The following ASB14 variants were observed in gnomAD, a reference collection of about 807,000 sequenced individuals.
ASB14 encodes ankyrin repeat and SOCS box protein 14.
In ASB14, 63 loss-of-function variants were observed where a neutral mutation model predicts 55.6. The observed-to-expected ratio is 1.13, with a 90% confidence interval of 0.92 to 1.40. ASB14 has a LOEUF of 1.40. ASB14 is among the 40% of genes most tolerant of loss of function. ASB14 has a pLI of 0.00. For synonymous variants in ASB14, 256 were observed against 259.9 expected (o/e 0.98, Z 0.15); for missense variants, 724 against 710.4 (o/e 1.02, Z -0.22).
chr3:57,276,286 A>T (rs915969424), intron 10 of ASB14, among the ~76,000 whole-genome samples: 18 of 149,956 alleles, frequency 1.2e-4, no homozygotes, highest in Admixed American at 2.0e-4. Flanking sequence ...ACTTTAAAAA[A>T]TTTTTTTTTT....
At chr3:57,275,422 A>G (rs1215690684) in intron 10 of ASB14, among the ~76,000 whole-genome samples, 1 of 149,972 alleles carries the variant, frequency 6.7e-6, no homozygotes, top group East Asian at 1.9e-4. Context: ...ACCGCAGTCC[A>G]GTCTGGGTGA....
intron 10 of ASB14, chr3:57,273,221 ATTC>A (rs1419353622): frequency 3.9e-5 from 6 of 152,756 alleles, no homozygotes; most frequent in African/African-American, 7.2e-5. Context: ...AAGTGAATTG[ATTC>A]TTATTTCACT....
chr3:57,290,710 T>C (rs1304925097), intron 2 of ASB14, among the ~76,000 whole-genome samples: 2 of 152,230 alleles, frequency 1.3e-5, no homozygotes, highest in African/African-American at 2.4e-5. Context: ...CTCTGAAACA[T>C]TTCAATACTC....
rs553625863 is a variant in ASB14 at position 57,288,058 on chromosome 3, A to G, written c.312T>C (p.Ala104=). 2 of 1,537,200 alleles carry G rather than the reference A, an allele frequency of 1.3e-6. No homozygotes were observed. The highest frequency in any genetic ancestry group is 2.4e-5 in the East Asian group (1 of 40,926). The change falls in exon 5 of 11, where the codon GCT becomes GCC. Residue 104 remains alanine, a splice_region_variant and synonymous_variant. Transcript: ENST00000487349. ...TTTGCTCCCACAGACTGGGGTCTGA[A>G]GCTGAAATAAATTCATCATACCACA... The part of the protein sequence containing the change: ...NRKILEITLS[A]SDPSLWEQTT...
At position 57,277,916 on chromosome 3, in the gene ASB14, C is replaced by T. The variant is rs1359461314; in HGVS notation, c.1436G>A (p.Cys479Tyr). The change falls in exon 9 of 11, where the codon TGT (cysteine) becomes TAT (tyrosine). Residue 479 changes from cysteine to tyrosine, a missense_variant. Cys to Tyr is a radical substitution (Grantham distance 194). Transcript: ENST00000487349. ...CAGCCATGACAAAGTTATTACTTCA[C>T]AGAACTGAGGGAAACAAAATCAGAA... Reference protein sequence around the residue: ...TSTVIKDTKFCEVITLSWLQH... With the variant: ...TSTVIKDTKFYEVITLSWLQH... 3 of 1,611,484 alleles carry T rather than the reference C, an allele frequency of 1.9e-6. No individual in the cohort carries two copies. The highest frequency in any genetic ancestry group is 2.2e-5 in the East Asian group (1 of 44,822).
intron 5 of ASB14, among the ~76,000 whole-genome samples, chr3:57,286,855 T>A (rs1394403599): frequency 2.0e-5 from 3 of 152,242 alleles, no homozygotes. Context: ...CTTATTCACA[T>A]GTTGCTACTC....
At position 57,278,027 on chromosome 3, in the gene ASB14, A is replaced by G. The variant is rs140695774; in HGVS notation, c.1432-107T>C. 5.9e-5 allele frequency: 60 copies of G among 1,013,204 alleles called. No homozygotes were observed. In the African/African-American group the frequency reaches 8.2e-4, roughly 14 times the overall value. The allele number at this position is 1,013,204 out of a possible 1,614,324, so 62.8% of individuals were successfully genotyped here. On this transcript the variant is annotated intron_variant, in intron 8 of 10. Transcript: ENST00000487349. ...GTGGTGTGATGAAAGCCAAGAGAGA[A>G]AAATGTCTCAAAAATGGGAAGGGAT...
rs1181255575 is a variant in ASB14, at chr3:57,284,088, C to CTGTGTGTGTGTGTGTGTGTG, written c.470-650_470-649insCACACACACACACACACACA. The stretch of plus-strand genomic sequence containing the variant: ...AATAATAATAAAAGGCTTGGGAACA[C>CTGTGTGTGTGTGTGTGTGTG]TGTGTATGTGTGTGTGTGTGTGTGT... On this transcript the variant is annotated intron_variant, in intron 5 of 10. Transcript: ENST00000487349. Among the ~76,000 whole-genome samples the CTGTGTGTGTGTGTGTGTGTG allele has an allele frequency of 8.4e-3, 344 of 41,182 alleles. 1 individual carries two copies. The highest frequency in any genetic ancestry group is 0.016 in the African/African-American group (230 of 14,760). 27.0% of individuals were successfully genotyped at this position (41,182 alleles called of 152,430 possible).
At chr3:57,288,832 A>C (rs1304826966) in intron 3 of ASB14, 2 of 306,544 alleles carry the variant, frequency 6.5e-6, no homozygotes, top group African/African-American at 4.8e-5. Flanking sequence ...CTCCTACCCC[A>C]CCCTCCCGAG....
chr3:57,274,312 T>A (rs1409642782), intron 10 of ASB14, among the ~76,000 whole-genome samples: 1 of 152,212 alleles, frequency 6.6e-6, no homozygotes, highest in African/African-American at 2.4e-5. Flanking sequence ...CCTGTTGATA[T>A]GGCTTCTAAA....
In ASB14 at chr3:57,276,521, A is replaced by T; in HGVS notation, c.*22+7T>A. ...AAATTTTAAGGAATACAGCTGCAAA[A>T]TTATACCTTTTCCATTAGAATGGTT... On this transcript the variant is annotated splice_region_variant and intron_variant, in intron 10 of 10. Coordinates refer to ENST00000487349, the MANE Select transcript of ASB14 (RefSeq NM_001142733.3). 6.4e-7 allele frequency: 1 copy of T among 1,574,242 alleles called. No individual in the cohort carries two copies. The highest frequency in any genetic ancestry group is 8.7e-7 in the Non-Finnish European group (1 of 1,154,408).
chr3:57,292,108 C>G lies in ASB14; in HGVS notation c.-71-4G>C. 1.6e-6 allele frequency: 2 copies of G among 1,281,320 alleles called. No homozygotes were observed. The highest frequency in any genetic ancestry group is 4.5e-5 in the South Asian group (2 of 44,750). 79.4% of individuals were successfully genotyped at this position (1,281,320 alleles called of 1,614,324 possible). A position where few individuals can be genotyped will look rare whatever the true frequency, so the allele number is the denominator to read the frequency against. On this transcript the variant is annotated splice_region_variant and splice_polypyrimidine_tract_variant and intron_variant, in intron 1 of 10. Transcript: ENST00000487349. ...TTTCCAGTTGTGAAGAGATCAACTGCTTAAAATTACAAATGAAATTCAGAA... is the reference window on the plus strand; with the variant it reads ...TTTCCAGTTGTGAAGAGATCAACTGGTTAAAATTACAAATGAAATTCAGAA...
chr3:57,277,900 C>A lies in ASB14; in HGVS notation c.1452G>T (p.Leu484Phe). 2 of 1,612,182 alleles carry A rather than the reference C, an allele frequency of 1.2e-6. No individual in the cohort carries two copies. The highest frequency in any genetic ancestry group is 1.7e-6 in the Non-Finnish European group (2 of 1,179,458). Reference sequence around the variant, plus strand: ...TTCCAGAGAGATGTTGCAGCCATGACAAAGTTATTACTTCACAGAACTGAG... The same window carrying A: ...TTCCAGAGAGATGTTGCAGCCATGAAAAAGTTATTACTTCACAGAACTGAG... ...KDTKFCEVIT[L>F]SWLQHLSGKV... Residue 484 changes from leucine (L) to phenylalanine (F), a missense_variant, in exon 9 of 11, where the codon TTG becomes TTT. By Grantham distance (22) the Leu-to-Phe change is conservative. Coordinates refer to ENST00000487349, the MANE Select transcript of ASB14 (RefSeq NM_001142733.3).
rs1414421478 is a variant in ASB14 at position 57,291,904 on chromosome 3, A to C, written c.122+8T>G. On this transcript the variant is annotated splice_region_variant and intron_variant, in intron 2 of 10. Transcript: ENST00000487349. ...TTAATACTATATTGCCGATGAGAAA[A>C]CCATTACCTCTCATCCTTAGGTGCA... The C allele has an allele frequency of 3.3e-6, 5 of 1,527,142 alleles. No homozygotes were observed. Among genetic ancestry groups the C allele is most frequent in the Non-Finnish European group, 4.4e-6 (5 of 1,138,504 alleles). 94.6% of individuals were successfully genotyped at this position (1,527,142 alleles called of 1,614,324 possible). A position where few individuals can be genotyped will look rare whatever the true frequency, so the allele number is the denominator to read the frequency against.
At chr3:57,280,826 G>C (rs1449394672) in intron 6 of ASB14, among the ~76,000 whole-genome samples, 1 of 152,134 alleles carries the variant, frequency 6.6e-6, no homozygotes, top group Non-Finnish European at 1.5e-5. Flanking sequence ...ATATAGGATG[G>C]TACTAACAAA....
rs769362083 is a variant in ASB14, at chr3:57,276,745, C to T, written c.1586-17G>A. ...GAGGGTTTGCTAAAAAGAAAAGGCACATTATCCAAAGAGAAAAAGAACTTT... is the reference window on the plus strand; with the variant it reads ...GAGGGTTTGCTAAAAAGAAAAGGCATATTATCCAAAGAGAAAAAGAACTTT... On this transcript the variant is annotated splice_polypyrimidine_tract_variant and intron_variant, in intron 9 of 10. Transcript: ENST00000487349. The T allele has an allele frequency of 1.3e-6, 2 of 1,589,086 alleles. No homozygotes were observed. Among genetic ancestry groups the T allele is most frequent in the African/African-American group, 2.7e-5 (2 of 73,426 alleles).
At position 57,289,095 on chromosome 3, in the gene ASB14, T is replaced by C. The variant is rs752705374; in HGVS notation, c.151A>G (p.Lys51Glu). 1.3e-6 allele frequency: 2 copies of C among 1,530,106 alleles called. No individual in the cohort carries two copies. The highest frequency in any genetic ancestry group is 2.0e-5 in the Admixed American group (1 of 50,954). 94.8% of individuals were successfully genotyped at this position (1,530,106 alleles called of 1,614,324 possible). ...SLHSFLSADY[K>E]KIVETIEKGK... ...TTCTCTATTGTTTCAACTATCTTCTTATAGTCAGCGCTCAAAAAGGAATGC... is the reference window on the plus strand; with the variant it reads ...TTCTCTATTGTTTCAACTATCTTCTCATAGTCAGCGCTCAAAAAGGAATGC... Residue 51 changes from lysine to glutamate, a missense_variant, in exon 3 of 11, where the codon AAG (lysine) becomes GAG (glutamate). Physicochemically the swap from Lys to Glu is moderately conservative, Grantham distance 56 (BLOSUM62 1). Transcript: ENST00000487349.
intron 10 of ASB14, among the ~76,000 whole-genome samples, chr3:57,275,239 G>A (rs897037789): frequency 2.0e-5 from 3 of 152,110 alleles, no homozygotes; most frequent in African/African-American, 7.2e-5. Flanking sequence ...TCACCTGAGG[G>A]TCAGGAGTTC....
In ASB14 at chr3:57,280,275, A is replaced by G. The variant is rs998662115; in HGVS notation, c.887+27T>C. The G allele has an allele frequency of 2.0e-6, 3 of 1,468,376 alleles. No individual in the cohort carries two copies. In the African/African-American group the frequency reaches 4.3e-5, roughly 21 times the overall value. 91.0% of individuals were successfully genotyped at this position (1,468,376 alleles called of 1,614,324 possible). A position where few individuals can be genotyped will look rare whatever the true frequency, so the allele number is the denominator to read the frequency against. ...AAAGGTAGCTATTACTGTTTTTATT[A>G]TTTATAATAATGTAATTGAACTTAA... is the stretch of plus-strand genomic sequence containing the variant. On this transcript the variant is annotated intron_variant, in intron 7 of 10. Transcript: ENST00000487349.
Sources: allele counts gnomAD v4.1 joint callset (sites outside exome capture counted in the v4.1 genomes callset), GRCh38; gene constraint gnomAD v4.1.1; transcripts MANE v1.5; gene names NCBI Gene and HGNC (gene_info 2026-07-23, HGNC 2026-07-21).